Variants in EVI5 observed in about 807,000 individuals in gnomAD.
The protein encoded by EVI5 is ecotropic viral integration site 5.
EVI5 carries 73 observed loss-of-function variants against 112.0 expected under a neutral mutation model. That is an observed-to-expected ratio of 0.65 (90% CI 0.54 to 0.79). The LOEUF (loss-of-function observed/expected upper bound fraction) is 0.79, where lower values mean the gene tolerates loss of function less well. Ranked by LOEUF, EVI5 falls within the 30% of genes least tolerant of loss-of-function variation. The pLI, the probability that EVI5 is intolerant of heterozygous loss-of-function variation, is 0.00. For synonymous variants in EVI5, 305 were observed against 319.9 expected, an observed-to-expected ratio of 0.95 and a Z score of 0.50; for missense variants, 900 against 968.8, an observed-to-expected ratio of 0.93 and a Z score of 0.94.
At chr1:92,718,024 G>C (rs1201212167) in intron 2 of EVI5, among the ~76,000 whole-genome samples, 1 of 152,134 alleles carries the variant, frequency 6.6e-6, no homozygotes, top group Non-Finnish European at 1.5e-5. Flanking sequence ...ACCCAATACA[G>C]GAGCACCCAG....
intron 19 of EVI5, among the ~76,000 whole-genome samples, chr1:92,547,495 G>C (rs1665943461): frequency 2.0e-5 from 3 of 152,136 alleles, no homozygotes; most frequent in South Asian, 4.1e-4. Flanking sequence ...AAGTAACTAA[G>C]ATCAGAGCAG....
chr1:92,603,873 T>C (rs1379068947), intron 18 of EVI5, among the ~76,000 whole-genome samples: 1 of 152,006 alleles, frequency 6.6e-6, no homozygotes, highest in Non-Finnish European at 1.5e-5. Context: ...CGACTGGGAC[T>C]ATAGGTGCAC....
intron 2 of EVI5, among the ~76,000 whole-genome samples, chr1:92,725,159 G>A (rs1675372357): frequency 6.6e-6 from 1 of 152,102 alleles, no homozygotes; most frequent in Non-Finnish European, 1.5e-5. Context: ...ATTCAGCTGG[G>A]AACTGATCAA....
intron 19 of EVI5, among the ~76,000 whole-genome samples, chr1:92,559,526 C>G (rs1668188157): frequency 6.6e-6 from 1 of 152,030 alleles, no homozygotes; most frequent in Non-Finnish European, 1.5e-5. Flanking sequence ...GTAATCCCAG[C>G]ACTTTGGGAG....
At chr1:92,581,508 T>C (rs1315011742) in intron 18 of EVI5, among the ~76,000 whole-genome samples, 1 of 152,218 alleles carries the variant, frequency 6.6e-6, no homozygotes, top group African/African-American at 2.4e-5. Context: ...ATAAATGAAT[T>C]CTCCTGGGAT....
At chr1:92,552,861 G>C (rs1667148901) in intron 19 of EVI5, among the ~76,000 whole-genome samples, 1 of 151,114 alleles carries the variant, frequency 6.6e-6, no homozygotes, top group Admixed American at 6.6e-5. Context: ...TTTTCTAGGT[G>C]GTTTCCTTAT....
chr1:92,695,294 C>A lies in EVI5; in HGVS notation c.909+16G>T. 1.3e-6 allele frequency: 2 copies of A among 1,595,368 alleles called. No individual in the cohort carries two copies. Among genetic ancestry groups the A allele is most frequent in the South Asian group, 1.1e-5 (1 of 87,186 alleles). ...CCTTTGCTCAGCTCCTGCTCTTTGT[C>A]TGCCCATTAGCTTACCTCAGACATA... On this transcript the variant is annotated intron_variant, in intron 7 of 19. Coordinates refer to ENST00000684568, the MANE Select transcript of EVI5 (RefSeq NM_001350197.2).
At position 92,551,810 on chromosome 1, in the gene EVI5, C is replaced by A. The variant is rs185044742; in HGVS notation, c.2166+11832G>T. On this transcript the variant is annotated intron_variant, in intron 19 of 19. Transcript: ENST00000684568. Reference sequence around the variant, plus strand: ...TAAAAAACTATAAAACCTGTCACTACAGGCTTGATAGTTAGCTCCATTTCC... The same window carrying A: ...TAAAAAACTATAAAACCTGTCACTAAAGGCTTGATAGTTAGCTCCATTTCC... Among the ~76,000 whole-genome samples, 425 of 152,210 alleles carry A rather than the reference C, an allele frequency of 2.8e-3. 1 individual carries two copies. Among genetic ancestry groups the A allele is most frequent in the African/African-American group, 9.7e-3 (404 of 41,478 alleles).
chr1:92,785,105 G>A lies in EVI5; in HGVS notation c.-351C>T. The A allele has an allele frequency of 3.0e-6, 3 of 985,466 alleles. No homozygotes were observed. Among genetic ancestry groups the A allele is most frequent in the Non-Finnish European group, 3.6e-6 (3 of 829,990 alleles). 61.0% of individuals were successfully genotyped at this position (985,466 alleles called of 1,614,324 possible). A position where few individuals can be genotyped will look rare whatever the true frequency, so the allele number is the denominator to read the frequency against. On this transcript the variant is annotated 5_prime_UTR_variant, in exon 1 of 20. Transcript: ENST00000684568. Reference sequence around the variant, plus strand: ...GGTCCGGCCCGGCCGCGTCAGGAGAGCCCAAGGCGCAGGCGCGGGAGGGCC... The same window carrying A: ...GGTCCGGCCCGGCCGCGTCAGGAGAACCCAAGGCGCAGGCGCGGGAGGGCC...
At chr1:92,731,311 C>A (rs1456285654) in intron 2 of EVI5, among the ~76,000 whole-genome samples, 1 of 151,774 alleles carries the variant, frequency 6.6e-6, no homozygotes, top group Non-Finnish European at 1.5e-5. Context: ...TGAGTGAGGC[C>A]CCATTTCAAA....
At chr1:92,525,708 C>T (rs1280395487) in intron 19 of EVI5, among the ~76,000 whole-genome samples, 1 of 152,152 alleles carries the variant, frequency 6.6e-6, no homozygotes, top group Non-Finnish European at 1.5e-5. Flanking sequence ...GTACCACTGC[C>T]AACATTTTAA....
chr1:92,531,812 C>T (rs560242775), intron 19 of EVI5, among the ~76,000 whole-genome samples: 8 of 152,262 alleles, frequency 5.3e-5, no homozygotes, highest in African/African-American at 1.7e-4. Context: ...AAGGATCAGC[C>T]AGTACCAGCC....
intron 1 of EVI5, among the ~76,000 whole-genome samples, chr1:92,744,505 T>C (rs1192247775): frequency 6.6e-6 from 1 of 152,006 alleles, no homozygotes; most frequent in African/African-American, 2.4e-5. Flanking sequence ...CCATTTATCA[T>C]TATGTAATGC....
At chr1:92,717,685 C>A (rs536294601) in intron 2 of EVI5, among the ~76,000 whole-genome samples, 1 of 152,254 alleles carries the variant, frequency 6.6e-6, no homozygotes, top group South Asian at 2.1e-4. Flanking sequence ...ATCAAATTCA[C>A]ACATAACAAT....
chr1:92,640,550 T>C (rs1010768944), intron 13 of EVI5, among the ~76,000 whole-genome samples: 1 of 152,122 alleles, frequency 6.6e-6, no homozygotes, highest in Non-Finnish European at 1.5e-5. Context: ...AAACCCACAA[T>C]GAGATACCAT....
chr1:92,634,656 T>C (rs1479450847), intron 14 of EVI5, among the ~76,000 whole-genome samples: 1 of 152,226 alleles, frequency 6.6e-6, no homozygotes, highest in Admixed American at 6.5e-5. Flanking sequence ...AGTTTGGTCG[T>C]CTGAAGCCTT....
At chr1:92,716,572 G>A (rs1001802723) in intron 2 of EVI5, among the ~76,000 whole-genome samples, 7 of 152,202 alleles carry the variant, frequency 4.6e-5, no homozygotes, top group African/African-American at 1.4e-4. Flanking sequence ...CCCTCCAAAG[G>A]ATCGCAGCTC....
At chr1:92,718,806 A>G (rs996870331) in intron 2 of EVI5, among the ~76,000 whole-genome samples, 2 of 152,246 alleles carry the variant, frequency 1.3e-5, no homozygotes, top group Non-Finnish European at 1.5e-5. Flanking sequence ...AGCAAGATTA[A>G]TAAAGAAGAA....
intron 5 of EVI5, chr1:92,700,835 C>A (rs769218123): frequency 1.3e-5 from 2 of 152,164 alleles, no homozygotes; most frequent in Non-Finnish European, 2.9e-5. Context: ...AATGAAGGAT[C>A]TACCAATACT....
Sources: gnomAD v4.1 joint callset for allele counts (sites outside exome capture counted in the v4.1 genomes callset) on GRCh38, gnomAD v4.1.1 for gene constraint, MANE v1.5 for transcripts, NCBI Gene and HGNC (gene_info 2026-07-23, HGNC 2026-07-21) for gene names.